The following FBXO39 variants were observed in gnomAD, a reference collection of about 807,000 sequenced individuals.
The protein encoded by FBXO39 is F-box protein 39, also known as F-box only protein 39.
Under a neutral mutation model 36.6 loss-of-function variants are expected in FBXO39, and 22 were observed. The ratio of observed to expected loss-of-function variants is 0.60; its 90% confidence interval spans 0.43 to 0.86. FBXO39 has a LOEUF of 0.86. FBXO39 is among the 40% of genes least tolerant of loss of function. The pLI, the probability that FBXO39 is intolerant of heterozygous loss-of-function variation, is 0.00. For missense variants in FBXO39, 536 were observed against 543.9 expected, an observed-to-expected ratio of 0.99 and a Z score of 0.14; for synonymous variants, 206 against 205.8, an observed-to-expected ratio of 1.00 and a Z score of -0.01.
Position 6,786,879 on chromosome 17 carries a change from GCTTTC to G in FBXO39, c.1127_1131del (p.Phe376Ter). On this transcript the variant is annotated frameshift_variant, in exon 3 of 4. Coordinates refer to ENST00000321535, the MANE Select transcript of FBXO39 (RefSeq NM_153230.3). LOFTEE classifies it high-confidence loss of function. ...GAAGTTGTTTTACTTCAAAATCTGG[GCTTTC>G]CTTGATGTTAGTTTTGTGGAGCGGA... The G allele has an allele frequency of 6.2e-7, 1 of 1,614,118 alleles. No homozygotes were observed. The highest frequency in any genetic ancestry group is 1.3e-5 in the African/African-American group (1 of 75,042).
chr17:6,786,683 A>G (rs974039557), intron 2 of FBXO39, 97 bp from the exon 3 acceptor site: 3 of 1,020,752 alleles, frequency 2.9e-6, no homozygotes, highest in Non-Finnish European at 4.3e-6. Flanking sequence ...CATCATGGCT[A>G]TCAGGCCCAG....
chr17:6,776,294 C>A (rs1484797001), intron 1 of FBXO39, 22 bp downstream of exon 1: 1 of 152,428 alleles, frequency 6.6e-6, no homozygotes, highest in Non-Finnish European at 1.5e-5. Context: ...CCAGTCCCTG[C>A]AGCCCGAGCG....
chr17:6,780,886 C>G lies in FBXO39; in HGVS notation c.1018C>G (p.Leu340Val), dbSNP rs764065256. 1 of 1,609,872 alleles carries G rather than the reference C, an allele frequency of 6.2e-7. No homozygotes were observed. Among genetic ancestry groups the G allele is most frequent in the Non-Finnish European group, 8.5e-7 (1 of 1,179,342 alleles). ...TCTCCTGCCCACCTTCCGGCACACTCTGCAGGTAGGTAGGACTTGTGAGGA... is the reference window on the plus strand; with the variant it reads ...TCTCCTGCCCACCTTCCGGCACACTGTGCAGGTAGGTAGGACTTGTGAGGA... ...IDLLPTFRHT[L>V]QKLTCEFNNN... is the part of the protein sequence containing the mutation. The change falls in exon 2 of 4, where the codon CTG (leucine) becomes GTG (valine). Residue 340 changes from leucine (L) to valine (V), a missense_variant. Leu to Val is a conservative substitution (Grantham distance 32, BLOSUM62 1). Coordinates refer to ENST00000321535, the MANE Select transcript of FBXO39 (RefSeq NM_153230.3).
chr17:6,778,329 G>A (rs1976459265), intron 1 of FBXO39, among the ~76,000 whole-genome samples: 1 of 152,166 alleles, frequency 6.6e-6, no homozygotes, highest in Non-Finnish European at 1.5e-5. Flanking sequence ...AACTAGAGAG[G>A]GGTCTTGCAC....
At chr17:6,787,251 T>TGCGC (rs748170024) in intron 3 of FBXO39, 49 bp from the exon 4 acceptor site, 2 of 1,571,588 alleles carry the variant, frequency 1.3e-6, no homozygotes, top group African/African-American at 2.8e-5. Flanking sequence ...TGTGTGTGTG[T>TGCGC]GTGCGTGTGT....
In FBXO39 at chr17:6,780,099, A is replaced by C. The variant is rs1976486352; in HGVS notation, c.231A>C (p.Ser77=). The change falls in exon 2 of 4, where the codon TCA becomes TCC. Residue 77 remains serine (S), a synonymous_variant. Transcript: ENST00000321535. ...PSRVHASEVE[S]AVWYVKKFGR... ...GGGTACATGCATCTGAAGTTGAGTC[A>C]GCTGTTTGGTATGTTAAGAAGTTTG... 1 of 1,614,216 alleles carries C rather than the reference A, an allele frequency of 6.2e-7. No homozygotes were observed. The highest frequency in any genetic ancestry group is 2.2e-5 in the East Asian group (1 of 44,888).
At chr17:6,779,399 C>T (rs1976474775) in intron 1 of FBXO39, among the ~76,000 whole-genome samples, 1 of 152,240 alleles carries the variant, frequency 6.6e-6, no homozygotes, top group Non-Finnish European at 1.5e-5. Context: ...ATCAGCTCCT[C>T]ATCCACTACC....
chr17:6,782,259 C>T (rs1019663571), intron 2 of FBXO39, among the ~76,000 whole-genome samples: 1 of 151,904 alleles, frequency 6.6e-6, no homozygotes, highest in Non-Finnish European at 1.5e-5. Flanking sequence ...TCATGATAAC[C>T]TCAAATCTAA....
At chr17:6,784,953 G>GTGTGTATA (rs1302291142) in intron 2 of FBXO39, among the ~76,000 whole-genome samples, 1 of 113,830 alleles carries the variant, frequency 8.8e-6, no homozygotes, top group African/African-American at 3.7e-5. Context: ...GTGTGTGTGT[G>GTGTGTATA]TATATATATA....
intron 2 of FBXO39, among the ~76,000 whole-genome samples, chr17:6,785,658 A>G (rs1976562208): frequency 6.6e-6 from 1 of 152,178 alleles, no homozygotes; most frequent in African/African-American, 2.4e-5. Context: ...TATAGGAAAA[A>G]AAAATAGTAA....
Position 6,780,856 on chromosome 17 carries a change from A to T in FBXO39, c.988A>T (p.Ile330Leu), listed in dbSNP as rs377424506. The T allele has an allele frequency of 1.2e-6, 2 of 1,613,464 alleles. No homozygotes were observed. The highest frequency in any genetic ancestry group is 2.7e-5 in the African/African-American group (2 of 74,910). The change falls in exon 2 of 4, where the codon ATA (isoleucine) becomes TTA (leucine). Residue 330 changes from isoleucine to leucine, a missense_variant. Ile to Leu is a conservative substitution (Grantham distance 5). Transcript: ENST00000321535. ...DPDCSMRPTL[I>L]DLLPTFRHTL... is the part of the protein sequence containing the mutation. ...AGACTGTTCAATGAGACCCACTCTGATAGATCTCCTGCCCACCTTCCGGCA... is the reference window on the plus strand; with the variant it reads ...AGACTGTTCAATGAGACCCACTCTGTTAGATCTCCTGCCCACCTTCCGGCA...
intron 1 of FBXO39, among the ~76,000 whole-genome samples, chr17:6,777,974 G>A (rs1377219697): frequency 6.6e-6 from 1 of 152,186 alleles, no homozygotes; most frequent in Non-Finnish European, 1.5e-5. Context: ...ATGGCGTAGT[G>A]AGGACAAAGC....
chr17:6,780,766 C>A lies in FBXO39; in HGVS notation c.898C>A (p.Arg300=). The change falls in exon 2 of 4, where the codon CGA becomes AGA. Residue 300 remains arginine, a synonymous_variant. Transcript: ENST00000321535. The part of the protein sequence containing the change: ...ERIMKYERLA[R]ILLQEIPIRS... ...GATCATGAAGTACGAACGCTTGGCC[C>A]GAATCCTCTTGCAGGAGATCCCGAT... The A allele has an allele frequency of 3.1e-6, 5 of 1,614,098 alleles. No homozygotes were observed. Among genetic ancestry groups the A allele is most frequent in the Non-Finnish European group, 1.7e-6 (2 of 1,180,034 alleles).
At chr17:6,784,158 A>G (rs969936057) in intron 2 of FBXO39, among the ~76,000 whole-genome samples, 26 of 152,184 alleles carry the variant, frequency 1.7e-4, no homozygotes, top group African/African-American at 1.4e-4. Context: ...ATGAAGAACA[A>G]AAAGCATATG....
intron 2 of FBXO39, among the ~76,000 whole-genome samples, chr17:6,782,791 A>G (rs1327757175): frequency 1.3e-5 from 2 of 152,174 alleles, no homozygotes; most frequent in Non-Finnish European, 2.9e-5. Flanking sequence ...TATTAGAGCT[A>G]AAGAGAGAGA....
intron 2 of FBXO39, among the ~76,000 whole-genome samples, chr17:6,781,678 C>T (rs1042799209): frequency 6.6e-5 from 10 of 152,134 alleles, no homozygotes; most frequent in African/African-American, 2.2e-4. Flanking sequence ...AGGGCTGGGA[C>T]GAGCACCTTG....
chr17:6,782,459 C>T (rs1976520610), intron 2 of FBXO39, among the ~76,000 whole-genome samples: 1 of 152,060 alleles, frequency 6.6e-6, no homozygotes, highest in African/African-American at 2.4e-5. Flanking sequence ...GGACTAAACC[C>T]TCCAATCAAA....
At chr17:6,779,058 T>C (rs1219712906) in intron 1 of FBXO39, among the ~76,000 whole-genome samples, 1 of 152,148 alleles carries the variant, frequency 6.6e-6, no homozygotes, top group Non-Finnish European at 1.5e-5. Context: ...TTTTCCACCC[T>C]GTTCTGCTGT....
At chr17:6,778,970 C>G (rs777360319) in intron 1 of FBXO39, among the ~76,000 whole-genome samples, 4 of 152,182 alleles carry the variant, frequency 2.6e-5, no homozygotes, top group Non-Finnish European at 5.9e-5. Flanking sequence ...GTGTCCTTTC[C>G]ACACCTCAAA....
Sources: allele counts gnomAD v4.1 joint callset (sites outside exome capture counted in the v4.1 genomes callset), GRCh38; gene constraint gnomAD v4.1.1; transcripts MANE v1.5; gene names NCBI Gene and HGNC (gene_info 2026-07-23, HGNC 2026-07-21).